OPHN1: variants seen among roughly 807,000 people sequenced by gnomAD.
The protein encoded by OPHN1 is oligophrenin 1.
Under a neutral mutation model 60.7 loss-of-function variants are expected in OPHN1, and 11 were observed. That is an observed-to-expected ratio of 0.18 (90% CI 0.11 to 0.30). The LOEUF is 0.30. OPHN1 is among the 10% of genes least tolerant of loss of function. The pLI, the probability that OPHN1 is intolerant of heterozygous loss-of-function variation, is 1.00. For missense variants in OPHN1, 449 were observed against 611.0 expected (o/e 0.73, Z 2.80); for synonymous variants, 226 against 222.6 (o/e 1.02, Z -0.14).
At chrX:68,169,625 C>T (rs979945133) in intron 15 of OPHN1, among the ~76,000 whole-genome samples, 14 of 107,797 alleles carry the variant, frequency 1.3e-4, no homozygotes, top group Non-Finnish European at 1.9e-4. Flanking sequence ...GAAATAACGC[C>T]ACATATCTAC....
At chrX:68,418,991 T>A (rs752667273) in intron 2 of OPHN1, among the ~76,000 whole-genome samples, 15 of 111,319 alleles carry the variant, frequency 1.3e-4, no homozygotes, top group East Asian at 5.7e-4. Flanking sequence ...TCTTTTTTTT[T>A]AAATTTTTTG....
intron 6 of OPHN1, among the ~76,000 whole-genome samples, chrX:68,229,555 C>G (rs2077716303): frequency 9.0e-6 from 1 of 111,193 alleles, no homozygotes; most frequent in Non-Finnish European, 1.9e-5. Flanking sequence ...GTACTGGTAC[C>G]AAAACAGATA....
intron 19 of OPHN1, among the ~76,000 whole-genome samples, chrX:68,080,873 C>T (rs1273161697): frequency 1.8e-5 from 2 of 112,176 alleles, no homozygotes; most frequent in African/African-American, 3.2e-5. Flanking sequence ...CTCTGATTTT[C>T]AGGACTCACA....
intron 2 of OPHN1, among the ~76,000 whole-genome samples, chrX:68,339,167 A>G (rs1408559089): frequency 9.3e-6 from 1 of 107,821 alleles, no homozygotes; most frequent in Non-Finnish European, 1.9e-5. Context: ...GAAAAACCAC[A>G]TGATCATTTC....
intron 15 of OPHN1, among the ~76,000 whole-genome samples, chrX:68,132,674 A>G (rs1319160885): frequency 1.0e-5 from 1 of 99,992 alleles, no homozygotes; most frequent in Non-Finnish European, 2.0e-5. Context: ...CAATGTGCAC[A>G]TGTACCCTAA....
intron 15 of OPHN1, among the ~76,000 whole-genome samples, chrX:68,148,821 A>G (rs2147486694): frequency 9.0e-6 from 1 of 111,359 alleles, no homozygotes; most frequent in South Asian, 3.8e-4. Flanking sequence ...CCTTGGGCCC[A>G]GGATACTGTT....
chrX:68,398,944 G>T (rs1295707985), intron 2 of OPHN1, among the ~76,000 whole-genome samples: 1 of 95,314 alleles, frequency 1.0e-5, no homozygotes, highest in Non-Finnish European at 2.1e-5. Context: ...GCAAGACTCT[G>T]TCTCAAAACA....
intron 2 of OPHN1, among the ~76,000 whole-genome samples, chrX:68,300,950 A>G (rs1423313263): frequency 3.6e-5 from 4 of 111,969 alleles, no homozygotes; most frequent in African/African-American, 1.3e-4. Flanking sequence ...CTCCCTTTTC[A>G]TTATTTGTAC....
At chrX:68,311,271 G>A (rs1307924749) in intron 2 of OPHN1, among the ~76,000 whole-genome samples, 1 of 110,853 alleles carries the variant, frequency 9.0e-6, no homozygotes, top group Non-Finnish European at 1.9e-5. Context: ...GCAAGACCCT[G>A]TCCCCGCTCC....
At chrX:68,187,752 C>T (rs912187417) in intron 15 of OPHN1, among the ~76,000 whole-genome samples, 3 of 110,034 alleles carry the variant, frequency 2.7e-5, no homozygotes, top group African/African-American at 9.9e-5. Flanking sequence ...CTCAGCCTCC[C>T]GATTAGCTGG....
At chrX:68,126,505 C>T (rs1032574426) in intron 15 of OPHN1, among the ~76,000 whole-genome samples, 3 of 110,287 alleles carry the variant, frequency 2.7e-5, no homozygotes, top group Non-Finnish European at 5.7e-5. Flanking sequence ...AGTGCAGTGG[C>T]GCAATCTCGG....
chrX:68,306,057 G>A (rs1268266364), intron 2 of OPHN1, among the ~76,000 whole-genome samples: 2 of 112,106 alleles, frequency 1.8e-5, no homozygotes, highest in African/African-American at 6.5e-5. Flanking sequence ...TGGTGAGGGA[G>A]CTGCTGAATA....
At chrX:68,365,868 AG>A (rs999826665) in intron 2 of OPHN1, among the ~76,000 whole-genome samples, 1 of 106,237 alleles carries the variant, frequency 9.4e-6, no homozygotes, top group African/African-American at 3.5e-5. Flanking sequence ...AAAGAGACTA[AG>A]TGACTATCCA....
intron 15 of OPHN1, among the ~76,000 whole-genome samples, chrX:68,178,254 A>G (rs181148246): frequency 8.9e-6 from 1 of 111,973 alleles, no homozygotes; most frequent in Non-Finnish European, 1.9e-5. Context: ...TTCAAAATTC[A>G]AATTGTGCAA....
intron 15 of OPHN1, among the ~76,000 whole-genome samples, chrX:68,122,038 T>C (rs927905578): frequency 1.9e-4 from 21 of 110,255 alleles, no homozygotes; most frequent in African/African-American, 4.0e-4. Context: ...ATAGTACTCA[T>C]TGGGCCTTAG....
intron 2 of OPHN1, among the ~76,000 whole-genome samples, chrX:68,332,034 CATAA>C (rs751574373): frequency 0.089 from 9,601 of 108,407 alleles, 1,100 homozygotes; most frequent in African/African-American, 0.3. Context: ...GACTCTGTCT[CATAA>C]ATAAATAAAT....
rs1429912397 is a variant in OPHN1, at chrX:68,207,998, TTCTC to T, written c.833-1329_833-1326del. ...TCCCTTCCTCCTTTTCCTTCTTTCT[TTCTC>T]TCTCTTTCTTTCTTTCCTTTCTTTC... On this transcript the variant is annotated intron_variant, in intron 9 of 24. Transcript: ENST00000355520. Among the ~76,000 whole-genome samples, 7 of 110,844 alleles carry T rather than the reference TTCTC, an allele frequency of 6.3e-5. No homozygotes were observed. In the South Asian group the frequency reaches 1.6e-3, roughly 25 times the overall value.
chrX:68,320,181 C>T (rs182870170), intron 2 of OPHN1, among the ~76,000 whole-genome samples: 53 of 110,554 alleles, frequency 4.8e-4, no homozygotes, highest in Non-Finnish European at 9.3e-4. Context: ...AAAACTCCAT[C>T]TATATTAAAA....
intron 7 of OPHN1, 139 bp from the exon 8 acceptor site, chrX:68,212,351 C>T: frequency 4.2e-6 from 2 of 471,549 alleles, no homozygotes; most frequent in Admixed American, 2.9e-5. Flanking sequence ...CTTTGGGAGG[C>T]CGAGGCGGGC....
Sources: gnomAD v4.1 joint callset for allele counts (sites outside exome capture counted in the v4.1 genomes callset) on GRCh38, gnomAD v4.1.1 for gene constraint, MANE v1.5 for transcripts, NCBI Gene and HGNC (gene_info 2026-07-23, HGNC 2026-07-21) for gene names.